The following TRAK1 variants were observed in gnomAD, a reference collection of about 807,000 sequenced individuals.
TRAK1 encodes trafficking kinesin-binding protein 1.
In TRAK1, 33 loss-of-function variants were observed where a neutral mutation model predicts 92.1. The observed-to-expected ratio is 0.36, with a 90% CI of 0.27 to 0.48. The LOEUF (loss-of-function observed/expected upper bound fraction) is 0.48. Among genes scored for constraint, TRAK1 ranks in the 20% least tolerant of loss-of-function variants. The probability of loss-of-function intolerance (pLI) is 0.99; values close to 1 mark genes in which losing one functional copy is unlikely to be tolerated. For synonymous variants in TRAK1, 521 were observed against 517.3 expected (o/e 1.01, Z -0.10); for missense variants, 1,123 against 1,257.9 (o/e 0.89, Z 1.62).
rs757431625 is a variant in TRAK1 at position 42,199,207 on chromosome 3, A to T, written c.1144A>T (p.Met382Leu). 2 of 1,613,792 alleles carry T rather than the reference A, an allele frequency of 1.2e-6. No individual in the cohort carries two copies. Among genetic ancestry groups the T allele is most frequent in the Non-Finnish European group, 1.7e-6 (2 of 1,180,028 alleles). The change falls in exon 11 of 16, where the codon ATG becomes TTG. Residue 382 changes from methionine (M) to leucine (L), a missense_variant. This residue lies in a region of TRAK1 where 686 missense variants were observed against 747.6 expected (regional missense o/e 0.92). Coordinates refer to ENST00000327628, the MANE Select transcript of TRAK1 (RefSeq NM_001042646.3). ...CTTGGCAGCAGAGATTGAGGGAACGATGCGCAAGGAGCTGCAGTTGGAAGA... is the reference window on the plus strand; with the variant it reads ...CTTGGCAGCAGAGATTGAGGGAACGTTGCGCAAGGAGCTGCAGTTGGAAGA... ...DSLAAEIEGT[M>L]RKELQLEEAE... is the part of the protein sequence containing the mutation.
intron 9 of TRAK1, among the ~76,000 whole-genome samples, chr3:42,194,516 G>A (rs765718277): frequency 2.0e-5 from 3 of 152,086 alleles, no homozygotes; most frequent in Non-Finnish European, 4.4e-5. Context: ...GATTACAGCT[G>A]TAAGCCATCA....
chr3:42,038,557 G>A (rs898263300), intron 1 of TRAK1, among the ~76,000 whole-genome samples: 4 of 151,876 alleles, frequency 2.6e-5, no homozygotes, highest in East Asian at 1.9e-4. Flanking sequence ...AGGCCAAGGC[G>A]GGTGGATCAC....
intron 1 of TRAK1, among the ~76,000 whole-genome samples, chr3:42,046,508 C>G (rs1405690601): frequency 6.6e-6 from 1 of 152,140 alleles, no homozygotes; most frequent in Non-Finnish European, 1.5e-5. Context: ...GCCTGGCTGC[C>G]TGGGCTTCCC....
intron 1 of TRAK1, among the ~76,000 whole-genome samples, chr3:42,025,452 A>G (rs569690798): frequency 1.3e-5 from 2 of 152,312 alleles, no homozygotes; most frequent in East Asian, 3.9e-4. Context: ...TGGCACAATT[A>G]TTACTCTTTC....
chr3:42,170,722 G>C (rs766321999), intron 2 of TRAK1, among the ~76,000 whole-genome samples: 1 of 152,046 alleles, frequency 6.6e-6, no homozygotes, highest in Non-Finnish European at 1.5e-5. Context: ...TCAGTTTCTT[G>C]ATAAAACTTT....
At chr3:42,137,920 T>G (rs1698155581) in intron 2 of TRAK1, among the ~76,000 whole-genome samples, 1 of 152,230 alleles carries the variant, frequency 6.6e-6, no homozygotes, top group Non-Finnish European at 1.5e-5. Flanking sequence ...ATTAAATATT[T>G]TATGGTTCTC....
At chr3:42,105,207 G>A (rs1398961266) in intron 1 of TRAK1, among the ~76,000 whole-genome samples, 1 of 152,146 alleles carries the variant, frequency 6.6e-6, no homozygotes, top group African/African-American at 2.4e-5. Context: ...ACCCGCCTCG[G>A]CCTCCCAAAG....
rs904474033 is a variant in TRAK1, at chr3:42,202,027, C to G, written c.1428-409C>G. 2.0e-5 allele frequency among the ~76,000 whole-genome samples: 3 copies of G among 152,026 alleles called. No individual in the cohort carries two copies. Among genetic ancestry groups the G allele is most frequent in the African/African-American group, 7.2e-5 (3 of 41,408 alleles). On this transcript the variant is annotated intron_variant, in intron 12 of 15. Transcript: ENST00000327628. The surrounding 1 kb of genome is among the most constrained non-coding windows in gnomAD (Gnocchi z 6.1). ...CAGACAGGAAGCTCCTTGATCAGAGCAGGTTTTGTTCAGAGTTGGGGTCTG... is the reference window on the plus strand; with the variant it reads ...CAGACAGGAAGCTCCTTGATCAGAGGAGGTTTTGTTCAGAGTTGGGGTCTG...
chr3:42,159,468 T>G lies in TRAK1; in HGVS notation c.287-17346T>G, dbSNP rs556981833. Reference sequence around the variant, plus strand: ...CTGTTGCAGGCAAAATCAAATGGTATAGAGGAATTGATATCAAGGTGTGCA... The same window carrying G: ...CTGTTGCAGGCAAAATCAAATGGTAGAGAGGAATTGATATCAAGGTGTGCA... On this transcript the variant is annotated intron_variant, in intron 2 of 15. Transcript: ENST00000327628. Among the ~76,000 whole-genome samples the G allele has an allele frequency of 2.6e-5, 4 of 152,322 alleles. No individual in the cohort carries two copies. The East Asian group carries it at 7.7e-4, about 29-fold the overall frequency.
chr3:42,113,920 G>A (rs1042007207), intron 1 of TRAK1, among the ~76,000 whole-genome samples: 4 of 152,102 alleles, frequency 2.6e-5, no homozygotes, highest in Admixed American at 2.6e-4. Flanking sequence ...ACCCATAACC[G>A]TTTAGTTCCA....
At chr3:42,131,902 TAAAAAA>T (rs57140951) in intron 2 of TRAK1, among the ~76,000 whole-genome samples, 4 of 137,642 alleles carry the variant, frequency 2.9e-5, no homozygotes, top group Admixed American at 7.2e-5. Context: ...TACAAAAAAT[TAAAAAA>T]AAAAAAAAAA....
intron 1 of TRAK1, among the ~76,000 whole-genome samples, chr3:42,064,280 G>A (rs772900778): frequency 4.2e-4 from 63 of 151,608 alleles, no homozygotes; most frequent in Middle Eastern, 3.2e-3. Context: ...CCTGGGCAAC[G>A]TAGCAAGACC....
intron 10 of TRAK1, among the ~76,000 whole-genome samples, chr3:42,198,716 G>A (rs1185572193): frequency 6.6e-6 from 1 of 152,178 alleles, no homozygotes; most frequent in South Asian, 2.1e-4. Context: ...GGGTGTGACA[G>A]ACCCTGTAGA....
At chr3:42,038,126 C>T (rs1702391985) in intron 1 of TRAK1, among the ~76,000 whole-genome samples, 1 of 152,162 alleles carries the variant, frequency 6.6e-6, no homozygotes. Context: ...AGAGATTTGG[C>T]TCAGAGAGGT....
At chr3:42,028,288 T>C (rs1258882440) in intron 1 of TRAK1, among the ~76,000 whole-genome samples, 1 of 152,246 alleles carries the variant, frequency 6.6e-6, no homozygotes, top group Non-Finnish European at 1.5e-5. Flanking sequence ...ACTCTGATTT[T>C]ACAGGTCTTC....
chr3:42,054,315 C>A (rs1017776603), intron 1 of TRAK1, among the ~76,000 whole-genome samples: 2 of 152,182 alleles, frequency 1.3e-5, no homozygotes, highest in African/African-American at 4.8e-5. Flanking sequence ...TCATGGTCCA[C>A]CCTGCTGTCC....
chr3:42,027,212 G>C (rs114025387), intron 1 of TRAK1, among the ~76,000 whole-genome samples: 1,822 of 152,256 alleles, frequency 0.012, 18 homozygotes, highest in Non-Finnish European at 0.018. Context: ...GGCCACAACT[G>C]TCAGAAGTAC....
At chr3:42,138,516 G>T (rs1035187726) in intron 2 of TRAK1, among the ~76,000 whole-genome samples, 2 of 152,012 alleles carry the variant, frequency 1.3e-5, no homozygotes, top group African/African-American at 2.4e-5. Flanking sequence ...CTCATGTATA[G>T]AATAACAAGA....
chr3:42,212,482 A>T (rs1282597715), intron 14 of TRAK1: 1 of 985,300 alleles, frequency 1.0e-6, no homozygotes, highest in Non-Finnish European at 1.2e-6. Context: ...AGCACTGAAA[A>T]AATTTGATTA....
Sources: gnomAD v4.1 joint callset for allele counts (sites outside exome capture counted in the v4.1 genomes callset) on GRCh38, gnomAD v4.1.1 for gene constraint, gnomAD v4.1.1 regional missense constraint, Gnocchi (gnomAD v3.1) non-coding constraint, MANE v1.5 for transcripts, NCBI Gene and HGNC (gene_info 2026-07-23, HGNC 2026-07-21) for gene names.